PTPN13: variants seen among roughly 807,000 people sequenced by gnomAD.
PTPN13 encodes protein tyrosine phosphatase non-receptor type 13.
In PTPN13, 191 loss-of-function variants were observed where a neutral mutation model predicts 284.0. The observed-to-expected ratio is 0.67, with a 90% CI of 0.60 to 0.76. PTPN13 has a LOEUF of 0.76. Among genes scored for constraint, PTPN13 ranks in the 30% least tolerant of loss-of-function variants. The pLI is 0.00. For synonymous variants in PTPN13, 986 were observed against 1,022.3 expected (o/e 0.96, Z 0.68); for missense variants, 2,797 against 2,939.9 (o/e 0.95, Z 1.12).
chr4:86,716,575 C>A lies in PTPN13; in HGVS notation c.1241C>A (p.Thr414Asn). The change falls in exon 8 of 48, where the codon ACC becomes AAC. Residue 414 changes from threonine (T) to asparagine (N), a missense_variant. By Grantham distance (65) the Thr-to-Asn change is moderately conservative (BLOSUM62 0). Coordinates refer to ENST00000411767, the MANE Select transcript of PTPN13 (RefSeq NM_080683.3). ...YKTYHGDVFS[T>N]SSESPSIISS... The stretch of plus-strand genomic sequence containing the variant: ...ACTTATCATGGTGATGTCTTTAGTA[C>A]CTCCAGTGAAAGTCCATCTATTATT... 1 of 1,599,874 alleles carries A rather than the reference C, an allele frequency of 6.3e-7. No individual in the cohort carries two copies.
chr4:86,742,205 C>T (rs1039257135), intron 16 of PTPN13, among the ~76,000 whole-genome samples: 1 of 152,172 alleles, frequency 6.6e-6, no homozygotes, highest in Admixed American at 6.6e-5. Flanking sequence ...CAATAGTAAA[C>T]CCCCTCGTAG....
In PTPN13 at chr4:86,709,727, G is replaced by A. The variant is rs781458790; in HGVS notation, c.1196-6803G>A. Among the ~76,000 whole-genome samples the A allele has an allele frequency of 3.3e-4, 50 of 152,278 alleles. No individual in the cohort carries two copies. In the Middle Eastern group the frequency reaches 0.014, roughly 41 times the overall value. On this transcript the variant is annotated intron_variant, in intron 7 of 47. Coordinates refer to ENST00000411767, the MANE Select transcript of PTPN13 (RefSeq NM_080683.3). Reference sequence around the variant, plus strand: ...ACAACAGTGAATCCTTGAAGATTCTGAAAGAGTGATACAGTGAGCCTAGCC... The same window carrying A: ...ACAACAGTGAATCCTTGAAGATTCTAAAAGAGTGATACAGTGAGCCTAGCC...
intron 1 of PTPN13, among the ~76,000 whole-genome samples, chr4:86,613,899 A>G (rs1720238516): frequency 6.6e-6 from 1 of 152,156 alleles, no homozygotes; most frequent in South Asian, 2.1e-4. Flanking sequence ...GAGACTGGGA[A>G]GTTAAATACC....
intron 40 of PTPN13, among the ~76,000 whole-genome samples, chr4:86,791,942 C>T (rs1297391035): frequency 1.3e-5 from 2 of 152,126 alleles, no homozygotes; most frequent in Admixed American, 6.5e-5. Context: ...ACCAGAGTGC[C>T]TCTTCTCCTC....
chr4:86,643,664 A>G (rs1017347966), intron 2 of PTPN13, among the ~76,000 whole-genome samples: 9 of 152,192 alleles, frequency 5.9e-5, no homozygotes, highest in African/African-American at 2.2e-4. Flanking sequence ...ATACCTACAT[A>G]TACTCAGAAC....
chr4:86,813,636 A>C (rs1421453839), intron 47 of PTPN13, among the ~76,000 whole-genome samples: 2 of 152,120 alleles, frequency 1.3e-5, no homozygotes. Context: ...CATGTTGGCC[A>C]GGCTGGTCTT....
chr4:86,765,053 A>C (rs1178016171), intron 25 of PTPN13, among the ~76,000 whole-genome samples: 2 of 152,190 alleles, frequency 1.3e-5, no homozygotes, highest in African/African-American at 4.8e-5. Flanking sequence ...ATATATCTCT[A>C]ACCTACATTA....
chr4:86,782,049 A>G (rs1401995762), intron 36 of PTPN13, among the ~76,000 whole-genome samples, 152 bp from the exon 37 acceptor site: 1 of 151,944 alleles, frequency 6.6e-6, no homozygotes, highest in Non-Finnish European at 1.5e-5. Context: ...TATTCCATTT[A>G]TTTGGTTTTT....
At chr4:86,765,798 A>C (rs1006831429) in intron 26 of PTPN13, among the ~76,000 whole-genome samples, 9 of 151,836 alleles carry the variant, frequency 5.9e-5, no homozygotes, top group Middle Eastern at 3.2e-3. Flanking sequence ...ATTGCTGTAA[A>C]AACACTGTCA....
chr4:86,728,182 G>A (rs1734500948), intron 10 of PTPN13, among the ~76,000 whole-genome samples: 2 of 149,594 alleles, frequency 1.3e-5, no homozygotes, highest in Admixed American at 6.7e-5. Flanking sequence ...CTGAGAGACC[G>A]TTTGTTGTGA....
intron 41 of PTPN13, among the ~76,000 whole-genome samples, chr4:86,797,875 G>T (rs979957432): frequency 1.3e-5 from 2 of 151,420 alleles, no homozygotes; most frequent in East Asian, 3.9e-4. Context: ...TGAGGGAAAG[G>T]GTTTTTATCT....
At position 86,715,143 on chromosome 4, in the gene PTPN13, G is replaced by A. The variant is rs564626443; in HGVS notation, c.1196-1387G>A. ...GTAACACAGGTACAGAATTCGTTTAGGGAAGTGGATGGAGATAAGGCTTTT... is the reference window on the plus strand; with the variant it reads ...GTAACACAGGTACAGAATTCGTTTAAGGAAGTGGATGGAGATAAGGCTTTT... On this transcript the variant is annotated intron_variant, in intron 7 of 47. Coordinates refer to ENST00000411767, the MANE Select transcript of PTPN13 (RefSeq NM_080683.3). Among the ~76,000 whole-genome samples, 4 of 152,240 alleles carry A rather than the reference G, an allele frequency of 2.6e-5. No individual in the cohort carries two copies. In the South Asian group the frequency reaches 8.3e-4, roughly 32 times the overall value.
rs752574055 is a variant in PTPN13 at position 86,763,109 on chromosome 4, A to G, written c.3936A>G (p.Val1312=). Residue 1312 remains valine (V), a synonymous_variant, in exon 24 of 48, where the codon GTA becomes GTG. Transcript: ENST00000411767. The stretch of plus-strand genomic sequence containing the variant: ...CTAAAAAGCCAGGCATTTCTGATGT[A>G]ACTGATTACTCAGACCGTGGAGATT... ...SKTKKPGISD[V]TDYSDRGDSD... is the part of the protein sequence containing the mutation. 6 of 1,613,838 alleles carry G rather than the reference A, an allele frequency of 3.7e-6. No homozygotes were observed. Among genetic ancestry groups the G allele is most frequent in the Non-Finnish European group, 5.1e-6 (6 of 1,179,884 alleles).
chr4:86,791,414 G>A (rs1160731280), intron 40 of PTPN13, among the ~76,000 whole-genome samples: 1 of 152,170 alleles, frequency 6.6e-6, no homozygotes, highest in Non-Finnish European at 1.5e-5. Context: ...TTCCACCTCT[G>A]GGGGCAGGGC....
intron 47 of PTPN13, among the ~76,000 whole-genome samples, chr4:86,814,151 C>T (rs943774859): frequency 5.3e-5 from 8 of 151,324 alleles, no homozygotes; most frequent in Admixed American, 2.6e-4. Context: ...GGACTACAGG[C>T]GCGTGCCACG....
chr4:86,752,277 A>G (rs1343384096), intron 19 of PTPN13, among the ~76,000 whole-genome samples: 1 of 152,162 alleles, frequency 6.6e-6, no homozygotes, highest in Non-Finnish European at 1.5e-5. Flanking sequence ...TTTTTATTCT[A>G]TAATTGGATT....
chr4:86,627,264 CTACTG>C (rs941628579), intron 1 of PTPN13, among the ~76,000 whole-genome samples: 79 of 151,984 alleles, frequency 5.2e-4, no homozygotes, highest in African/African-American at 1.9e-3. Flanking sequence ...ATATTTAACA[CTACTG>C]AACTATACAC....
chr4:86,604,573 A>C (rs1578235976), intron 1 of PTPN13, among the ~76,000 whole-genome samples: 1 of 152,004 alleles, frequency 6.6e-6, no homozygotes, highest in South Asian at 2.1e-4. Flanking sequence ...CTTTAAGACT[A>C]AAATGGTTGA....
chr4:86,706,483 A>G (rs928412659), intron 7 of PTPN13, among the ~76,000 whole-genome samples: 5 of 152,128 alleles, frequency 3.3e-5, no homozygotes, highest in Admixed American at 3.3e-4. Context: ...TCTGTATTAA[A>G]CCATAAGGTG....
Sources: allele counts gnomAD v4.1 joint callset (sites outside exome capture counted in the v4.1 genomes callset), GRCh38; gene constraint gnomAD v4.1.1; transcripts MANE v1.5; gene names NCBI Gene and HGNC (gene_info 2026-07-23, HGNC 2026-07-21).